The following SRGAP2B variants were observed in gnomAD, a reference collection of about 807,000 sequenced individuals.
SRGAP2B encodes SLIT-ROBO Rho GTPase-activating protein 2B.
SRGAP2B carries 9 observed loss-of-function variants against 22.2 expected under a neutral mutation model. The observed-to-expected ratio is 0.41, with a 90% CI of 0.24 to 0.71. The LOEUF (loss-of-function observed/expected upper bound fraction) is 0.71. SRGAP2B is among the 30% of genes least tolerant of loss of function. SRGAP2B has a pLI of 0.35. For missense variants in SRGAP2B, 114 were observed against 235.8 expected, an observed-to-expected ratio of 0.48 and a Z score of 3.38; for synonymous variants, 36 against 87.4, an observed-to-expected ratio of 0.41 and a Z score of 3.28.
At chr1:144,928,309 G>A (rs61804390) in intron 4 of SRGAP2B, among the ~76,000 whole-genome samples, 2,618 of 116,740 alleles carry the variant, frequency 0.022, no homozygotes, top group African/African-American at 0.026. Context: ...GTATGGACAT[G>A]ACACATTTTG....
At position 145,023,057 on chromosome 1, in the gene SRGAP2B, T is replaced by C. The variant is rs199490538; in HGVS notation, c.68-27857A>G. Among the ~76,000 whole-genome samples, 221 of 148,594 alleles carry C rather than the reference T, an allele frequency of 1.5e-3. 10 individuals carry two copies. Among genetic ancestry groups the C allele is most frequent in the Non-Finnish European group, 2.5e-3 (167 of 67,524 alleles). ...ATGCGTGCCTATAGTCTCAGCTACT[T>C]GGGAGGCTGAGGCAGGAGAATCACT... is the stretch of plus-strand genomic sequence containing the variant. On this transcript the variant is annotated intron_variant, in intron 2 of 9. Transcript: ENST00000612199.
At chr1:144,963,831 GT>G (rs587606425) in intron 3 of SRGAP2B, among the ~76,000 whole-genome samples, 407 of 151,906 alleles carry the variant, frequency 2.7e-3, no homozygotes, top group African/African-American at 9.3e-3. Context: ...GAGCGGAGAA[GT>G]TTGATCTACA....
intron 4 of SRGAP2B, among the ~76,000 whole-genome samples, chr1:144,933,055 G>A (rs1283616269): frequency 5.3e-5 from 8 of 151,638 alleles, no homozygotes; most frequent in East Asian, 3.9e-4. Context: ...GGGCATCACT[G>A]CTCATCAGTA....
chr1:144,940,354 C>T (rs1553607174), intron 4 of SRGAP2B, among the ~76,000 whole-genome samples: 1 of 134,728 alleles, frequency 7.4e-6, no homozygotes, highest in African/African-American at 3.0e-5. Context: ...GGGGAAAAAC[C>T]CTCTCTCCTT....
At chr1:144,944,193 T>C in intron 4 of SRGAP2B, among the ~76,000 whole-genome samples, 1 of 150,316 alleles carries the variant, frequency 6.7e-6, no homozygotes, top group Non-Finnish European at 1.5e-5. Context: ...TGACATATTA[T>C]CTATGATGTC....
chr1:144,914,514 CTCAT>C (rs1663685550), intron 5 of SRGAP2B, among the ~76,000 whole-genome samples, 174 bp downstream of exon 5: 1 of 151,328 alleles, frequency 6.6e-6, no homozygotes, highest in African/African-American at 2.4e-5. Context: ...TATTTTTTGA[CTCAT>C]TCCGTTTTGA....
chr1:144,984,411 A>G (rs879956244), intron 3 of SRGAP2B, among the ~76,000 whole-genome samples: 4 of 148,890 alleles, frequency 2.7e-5, no homozygotes, highest in African/African-American at 1.0e-4. Flanking sequence ...TTTTAAAGAT[A>G]CCATTAATTT....
At chr1:144,987,988 G>T (rs2747597) in intron 3 of SRGAP2B, among the ~76,000 whole-genome samples, 1 of 150,620 alleles carries the variant, frequency 6.6e-6, no homozygotes, top group Non-Finnish European at 1.5e-5. Context: ...TGAGTTTAAT[G>T]GTGGAAAAAC....
intron 3 of SRGAP2B, among the ~76,000 whole-genome samples, chr1:144,963,229 C>T (rs1370278492): frequency 1.3e-5 from 2 of 149,228 alleles, no homozygotes; most frequent in African/African-American, 5.1e-5. Flanking sequence ...AATGCCACCC[C>T]AATATAATCC....
chr1:144,902,841 C>A (rs1437874664), intron 7 of SRGAP2B, among the ~76,000 whole-genome samples: 12 of 108,186 alleles, frequency 1.1e-4, no homozygotes, highest in African/African-American at 4.6e-4. Context: ...TAGACCCACA[C>A]CCTGCCAAGT....
chr1:144,927,289 C>T (rs1177345788), intron 4 of SRGAP2B, among the ~76,000 whole-genome samples: 1 of 149,902 alleles, frequency 6.7e-6, no homozygotes. Context: ...GCTCCTCATT[C>T]TTTACTGCAT....
chr1:144,923,025 CAA>C (rs1225439039), intron 4 of SRGAP2B, among the ~76,000 whole-genome samples: 1 of 151,026 alleles, frequency 6.6e-6, no homozygotes, highest in Non-Finnish European at 1.5e-5. Flanking sequence ...GGTCCCTGAC[CAA>C]AGTCTCTTGT....
At chr1:145,014,869 T>A (rs1313979192) in intron 2 of SRGAP2B, among the ~76,000 whole-genome samples, 1 of 37,218 alleles carries the variant, frequency 2.7e-5, no homozygotes, top group East Asian at 8.0e-4. Flanking sequence ...TTAGTGTATA[T>A]CACCTATTAA....
chr1:144,964,773 G>A (rs1276325820), intron 3 of SRGAP2B, among the ~76,000 whole-genome samples: 2 of 150,660 alleles, frequency 1.3e-5, no homozygotes, highest in Non-Finnish European at 2.9e-5. Flanking sequence ...GTAAATGGAA[G>A]CCAGGTATGG....
chr1:145,016,619 A>G (rs1387144935), intron 2 of SRGAP2B, among the ~76,000 whole-genome samples: 1 of 91,876 alleles, frequency 1.1e-5, no homozygotes, highest in African/African-American at 4.7e-5. Flanking sequence ...ATTTGATTCA[A>G]TCTGGTTCCA....
intron 2 of SRGAP2B, among the ~76,000 whole-genome samples, chr1:145,038,317 T>A (rs1314275806): frequency 8.3e-6 from 1 of 119,914 alleles, no homozygotes; most frequent in Non-Finnish European, 1.6e-5. Context: ...TTTACTTACA[T>A]AAAGAAACAC....
intron 4 of SRGAP2B, among the ~76,000 whole-genome samples, chr1:144,917,563 GA>G (rs1663947934): frequency 6.9e-6 from 1 of 144,446 alleles, no homozygotes; most frequent in Non-Finnish European, 1.5e-5. Flanking sequence ...GAAGAGGAGG[GA>G]AAAGTGTAAC....
intron 5 of SRGAP2B, among the ~76,000 whole-genome samples, chr1:144,909,313 G>GGTGGCTC (rs1663230416): frequency 2.1e-5 from 3 of 143,850 alleles, no homozygotes; most frequent in African/African-American, 8.2e-5. Context: ...GGCCGGGCAT[G>GGTGGCTC]GTGGCTCATG....
intron 2 of SRGAP2B, among the ~76,000 whole-genome samples, chr1:145,040,655 G>A (rs1399370007): frequency 2.7e-5 from 4 of 149,518 alleles, no homozygotes; most frequent in Non-Finnish European, 5.9e-5. Context: ...CCCATGGGCT[G>A]TAGTTTGCTG....
Sources: allele counts gnomAD v4.1 joint callset (sites outside exome capture counted in the v4.1 genomes callset), GRCh38; gene constraint gnomAD v4.1.1; transcripts MANE v1.5; gene names NCBI Gene and HGNC (gene_info 2026-07-23, HGNC 2026-07-21).